The following WDR20 variants were observed in gnomAD, a reference collection of about 807,000 sequenced individuals.
The protein encoded by WDR20 is WD repeat-containing protein 20.
In WDR20, 3 loss-of-function variants were observed where a neutral mutation model predicts 38.7. The ratio of observed to expected loss-of-function variants is 0.08; its 90% CI spans 0.04 to 0.20. WDR20 has a LOEUF of 0.20. WDR20 is among the 10% of genes least tolerant of loss of function. WDR20 has a pLI of 1.00. For missense variants in WDR20, 559 were observed against 727.7 expected (o/e 0.77, Z 2.67); for synonymous variants, 298 against 285.6 (o/e 1.04, Z -0.44).
At chr14:102,189,223 G>T (rs2152922096) in intron 1 of WDR20, among the ~76,000 whole-genome samples, 1 of 152,058 alleles carries the variant, frequency 6.6e-6, no homozygotes, top group Non-Finnish European at 1.5e-5. Context: ...AATAATAATA[G>T]TAATGAAGAA....
At position 102,209,682 on chromosome 14, in the gene WDR20, C is replaced by T. The variant is rs1454048012; in HGVS notation, c.1512C>T (p.Asp504=). The T allele has an allele frequency of 6.2e-7, 1 of 1,614,122 alleles. No individual in the cohort carries two copies. Among genetic ancestry groups the T allele is most frequent in the African/African-American group, 1.3e-5 (1 of 75,048 alleles). ...ATCTAGTTACCAAAACCAAAACGGA[C>T]CCTGCTAAAACTCTGGGAACGCCCC... ...KLNLVTKTKT[D]PAKTLGTPLC... is the part of the protein sequence containing the mutation. The change falls in exon 3 of 3, where the codon GAC becomes GAT. Residue 504 remains aspartate, a synonymous_variant. Transcript: ENST00000342702. The surrounding 1 kb of genome is among the most constrained non-coding windows in gnomAD (Gnocchi z 6.0).
intron 1 of WDR20, among the ~76,000 whole-genome samples, chr14:102,185,460 C>T (rs576843177): frequency 4.7e-4 from 72 of 152,202 alleles, no homozygotes; most frequent in African/African-American, 1.5e-3. Context: ...CCTCACATGT[C>T]TGTTGCATCA....
At chr14:102,153,145 C>T (rs1175643240) in intron 1 of WDR20, among the ~76,000 whole-genome samples, 1 of 152,074 alleles carries the variant, frequency 6.6e-6, no homozygotes, top group East Asian at 1.9e-4. Flanking sequence ...GTGGCACTTC[C>T]TTGTCTCCCT....
In WDR20 at chr14:102,208,550, T is replaced by C. The variant is rs931283215; in HGVS notation, c.433-53T>C. 12 of 1,527,946 alleles carry C rather than the reference T, an allele frequency of 7.9e-6. No homozygotes were observed. In the African/African-American group the frequency reaches 1.2e-4, roughly 16 times the overall value. The allele number at this position is 1,527,946 out of a possible 1,614,324, so 94.6% of individuals were successfully genotyped here. A position where few individuals can be genotyped will look rare whatever the true frequency, so the allele number is the denominator to read the frequency against. The stretch of plus-strand genomic sequence containing the variant: ...CACACAAGTTTTCTTGCTGGAAAAG[T>C]AGACCTTTGAGACTTCTCCGTTGTG... On this transcript the variant is annotated intron_variant, in intron 2 of 2. Transcript: ENST00000342702. This position sits in a 1 kb window ranked among gnomAD's most constrained non-coding sequence, Gnocchi z 5.6.
chr14:102,139,559 C>CA, upstream of WDR20: 1 of 807,152 alleles, frequency 1.2e-6, no homozygotes, highest in Admixed American at 2.9e-5. Flanking sequence ...CTCATGACAC[C>CA]AGCCCCGCCG....
intron 1 of WDR20, among the ~76,000 whole-genome samples, chr14:102,147,216 G>A (rs747053653): frequency 6.6e-6 from 1 of 152,120 alleles, no homozygotes; most frequent in Non-Finnish European, 1.5e-5. Context: ...CCAACACGGG[G>A]AAACCACATC....
downstream of WDR20, among the ~76,000 whole-genome samples, chr14:102,218,190 G>T (rs547887816): frequency 6.6e-6 from 1 of 152,376 alleles, no homozygotes; most frequent in Non-Finnish European, 1.5e-5. Flanking sequence ...CTTTTGTTTG[G>T]GTTGGAAAGG....
chr14:102,153,596 G>A (rs894149103), intron 1 of WDR20, among the ~76,000 whole-genome samples: 1 of 152,068 alleles, frequency 6.6e-6, no homozygotes, highest in African/African-American at 2.4e-5. Flanking sequence ...GTGAGCCACC[G>A]CGCCCGGCCA....
At position 102,206,718 on chromosome 14, in the gene WDR20, C is replaced by T. The variant is rs143040580; in HGVS notation, c.433-1885C>T. On this transcript the variant is annotated intron_variant, in intron 2 of 2. Coordinates refer to ENST00000342702, the MANE Select transcript of WDR20 (RefSeq NM_144574.4). Reference sequence around the variant, plus strand: ...CCAGTGATGGAGCGAGCTGCAGACACCCTTAGGCCCTGGGCGATCAGGTAC... The same window carrying T: ...CCAGTGATGGAGCGAGCTGCAGACATCCTTAGGCCCTGGGCGATCAGGTAC... 3.1e-3 allele frequency among the ~76,000 whole-genome samples: 472 copies of T among 152,302 alleles called. 8 individuals are homozygous for T. The highest frequency in any genetic ancestry group is 1.4e-3 in the Non-Finnish European group (95 of 68,032).
intron 1 of WDR20, among the ~76,000 whole-genome samples, chr14:102,149,940 G>A (rs564935227): frequency 3.3e-4 from 51 of 152,260 alleles, no homozygotes; most frequent in African/African-American, 1.1e-3. Context: ...TGATCCACCC[G>A]CCTTGGCCTC....
chr14:102,172,629 A>C (rs1596266496), intron 1 of WDR20, among the ~76,000 whole-genome samples: 6 of 129,470 alleles, frequency 4.6e-5, no homozygotes, highest in African/African-American at 6.0e-5. Context: ...GGCGCCCCTC[A>C]CCTCCCGGAC....
At chr14:102,167,319 A>G (rs775391345) in intron 1 of WDR20, 21 of 152,168 alleles carry the variant, frequency 1.4e-4, no homozygotes, top group African/African-American at 1.9e-4. Flanking sequence ...GGCTTAAGCT[A>G]TCCTCCTGCC....
At chr14:102,189,873 T>A (rs1348709828) in intron 1 of WDR20, among the ~76,000 whole-genome samples, 1 of 151,310 alleles carries the variant, frequency 6.6e-6, no homozygotes. Flanking sequence ...AAATATTAAA[T>A]GTTGTGGAAT....
downstream of WDR20, chr14:102,214,449 CGAACTATAA>C (rs2062960946): frequency 1.0e-6 from 1 of 985,296 alleles, no homozygotes; most frequent in Non-Finnish European, 1.2e-6. Flanking sequence ...ATCCTAGTTA[CGAACTATAA>C]GAACGTGCCC....
chr14:102,184,745 C>T (rs2064190990), intron 1 of WDR20, among the ~76,000 whole-genome samples: 1 of 152,196 alleles, frequency 6.6e-6, no homozygotes, highest in South Asian at 2.1e-4. Context: ...ATGTTCCACA[C>T]GTCTTACATC....
chr14:102,139,652 CT>C, upstream of WDR20: 1 of 647,482 alleles, frequency 1.5e-6, no homozygotes, highest in Middle Eastern at 4.2e-4. Context: ...CCGGCATCAC[CT>C]GGGAAGCAGC....
chr14:102,160,941 C>G (rs1241518469), intron 1 of WDR20, among the ~76,000 whole-genome samples: 7 of 67,580 alleles, frequency 1.0e-4, no homozygotes, highest in Admixed American at 7.7e-4. Flanking sequence ...GGGCAAGACT[C>G]TGTCTCAAAA....
rs1304121720 is a variant in WDR20 at position 102,208,698 on chromosome 14, A to G, written c.528A>G (p.Leu176=). ...LVAHSSGNMY[L]YNVEHTCGTT... ...CCCACTCGAGTGGGAACATGTACTT[A>G]TATAATGTGGAGCACACTTGTGGCA... is the stretch of plus-strand genomic sequence containing the variant. The change falls in exon 3 of 3, where the codon TTA becomes TTG. Residue 176 remains leucine, a synonymous_variant. Transcript: ENST00000342702. The surrounding 1 kb of genome is among the most constrained non-coding windows in gnomAD (Gnocchi z 5.6). 6 of 1,614,066 alleles carry G rather than the reference A, an allele frequency of 3.7e-6. No individual in the cohort carries two copies. Among genetic ancestry groups the G allele is most frequent in the African/African-American group, 1.3e-5 (1 of 74,908 alleles).
downstream of WDR20, among the ~76,000 whole-genome samples, chr14:102,223,834 G>A (rs189186800): frequency 5.9e-5 from 9 of 152,170 alleles, no homozygotes; most frequent in Non-Finnish European, 1.0e-4. Flanking sequence ...TCAGGAGGGC[G>A]TGGGCTCTGT....
Sources: gnomAD v4.1 joint callset for allele counts (sites outside exome capture counted in the v4.1 genomes callset) on GRCh38, gnomAD v4.1.1 for gene constraint, Gnocchi (gnomAD v3.1) non-coding constraint, MANE v1.5 for transcripts, NCBI Gene and HGNC (gene_info 2026-07-23, HGNC 2026-07-21) for gene names.